LSAMP: variants seen among roughly 807,000 people sequenced by gnomAD.
The protein encoded by LSAMP is limbic system associated membrane protein.
LSAMP carries 7 observed loss-of-function variants against 38.6 expected under a neutral mutation model. That is an observed-to-expected ratio of 0.18 (90% CI 0.10 to 0.34). LSAMP has a LOEUF of 0.34. LSAMP is among the 10% of genes least tolerant of loss of function. The pLI, the probability that LSAMP is intolerant of heterozygous loss-of-function variation, is 1.00. For synonymous variants in LSAMP, 154 were observed against 166.8 expected, an observed-to-expected ratio of 0.92 and a Z score of 0.59; for missense variants, 313 against 420.0, an observed-to-expected ratio of 0.75 and a Z score of 2.23.
chr3:116,375,568 A>G (rs886078935), intron 1 of LSAMP, among the ~76,000 whole-genome samples: 1 of 151,878 alleles, frequency 6.6e-6, no homozygotes, highest in Non-Finnish European at 1.5e-5. Flanking sequence ...CAAATGTCAT[A>G]GTATACATAA....
chr3:116,306,447 C>A (rs1405724539), intron 1 of LSAMP, among the ~76,000 whole-genome samples: 1 of 151,974 alleles, frequency 6.6e-6, no homozygotes, highest in African/African-American at 2.4e-5. Flanking sequence ...CCTAGTGTTT[C>A]TGAAATTTTG....
At chr3:115,852,165 G>A (rs576165096) in intron 4 of LSAMP, among the ~76,000 whole-genome samples, 1 of 152,296 alleles carries the variant, frequency 6.6e-6, no homozygotes, top group African/African-American at 2.4e-5. Context: ...TTCTAAAGTA[G>A]TATGACCTTG....
At chr3:116,393,899 ATGTT>A (rs1391420634) in intron 1 of LSAMP, among the ~76,000 whole-genome samples, 1 of 152,168 alleles carries the variant, frequency 6.6e-6, no homozygotes, top group East Asian at 1.9e-4. Context: ...TATTTACACT[ATGTT>A]TGCATGGAAC....
intron 3 of LSAMP, among the ~76,000 whole-genome samples, chr3:115,929,420 T>C (rs1328494740): frequency 6.6e-6 from 1 of 152,036 alleles, no homozygotes; most frequent in Non-Finnish European, 1.5e-5. Flanking sequence ...AAATAGGTGA[T>C]ATTTCAACAA....
intron 3 of LSAMP, among the ~76,000 whole-genome samples, chr3:115,854,280 T>G (rs1351021806): frequency 3.1e-5 from 3 of 96,510 alleles, no homozygotes; most frequent in Non-Finnish European, 4.4e-5. Context: ...ATTATTATTA[T>G]TATTTTTTTT....
At chr3:116,242,621 G>A (rs2046552272) in intron 1 of LSAMP, among the ~76,000 whole-genome samples, 1 of 151,980 alleles carries the variant, frequency 6.6e-6, no homozygotes, top group Non-Finnish European at 1.5e-5. Flanking sequence ...TTTCTAACAT[G>A]TTTTTCCAAG....
At chr3:116,088,564 T>C (rs1708045994) in intron 1 of LSAMP, among the ~76,000 whole-genome samples, 1 of 152,194 alleles carries the variant, frequency 6.6e-6, no homozygotes, top group African/African-American at 2.4e-5. Flanking sequence ...TATGAAATTG[T>C]TGAATGTAGA....
chr3:115,891,520 C>G (rs1031395081), intron 3 of LSAMP, among the ~76,000 whole-genome samples: 1 of 151,954 alleles, frequency 6.6e-6, no homozygotes, highest in African/African-American at 2.4e-5. Flanking sequence ...GTCACCTGGC[C>G]CACCATCAGT....
Position 115,810,028 on chromosome 3 carries a change from G to A in LSAMP, c.*289C>T, listed in dbSNP as rs9876745. The A allele has an allele frequency of 0.24, 72,603 of 300,000 alleles. 9,506 individuals carry two copies. Among genetic ancestry groups the A allele is most frequent in the African/African-American group, 0.36 (16,210 of 44,822 alleles). 18.6% of individuals were successfully genotyped at this position (300,000 alleles called of 1,614,324 possible). ...AGCATCCAGATGTCCTTAGTGTGGT[G>A]TAGTCTTTACACAGCATACATTTGC... is the stretch of plus-strand genomic sequence containing the variant. On this transcript the variant is annotated 3_prime_UTR_variant, in exon 7 of 7. Coordinates refer to ENST00000490035, the MANE Select transcript of LSAMP (RefSeq NM_002338.5).
chr3:116,250,103 C>T (rs527775801), intron 1 of LSAMP, among the ~76,000 whole-genome samples: 49 of 152,150 alleles, frequency 3.2e-4, no homozygotes, highest in South Asian at 6.2e-4. Flanking sequence ...CTTTTGTTGT[C>T]CCAGAATTTA....
At chr3:116,208,378 T>C (rs1250386983) in intron 1 of LSAMP, among the ~76,000 whole-genome samples, 1 of 152,068 alleles carries the variant, frequency 6.6e-6, no homozygotes. Flanking sequence ...AATTTGATTG[T>C]CTGAAGCCTT....
chr3:116,204,001 G>A (rs1237995107), intron 1 of LSAMP, among the ~76,000 whole-genome samples: 1 of 151,880 alleles, frequency 6.6e-6, no homozygotes, highest in Admixed American at 6.6e-5. Flanking sequence ...GGTTGAACTA[G>A]TTTACAGTCC....
intron 3 of LSAMP, among the ~76,000 whole-genome samples, chr3:115,896,150 C>T (rs1023919617): frequency 2.6e-5 from 4 of 151,954 alleles, no homozygotes; most frequent in African/African-American, 9.7e-5. Flanking sequence ...GTTATTCTTT[C>T]TCCTTTCTAA....
At chr3:116,099,079 A>AC (rs1240041694) in intron 1 of LSAMP, among the ~76,000 whole-genome samples, 1 of 152,092 alleles carries the variant, frequency 6.6e-6, no homozygotes, top group African/African-American at 2.4e-5. Flanking sequence ...AAAGGCCATC[A>AC]CCCCCTTGTA....
chr3:116,427,221 C>T (rs908285103), intron 1 of LSAMP, among the ~76,000 whole-genome samples: 1 of 150,718 alleles, frequency 6.6e-6, no homozygotes, highest in Admixed American at 6.6e-5. Flanking sequence ...CCCGGGTTCA[C>T]GCCATTCTCC....
In LSAMP at chr3:115,842,441, G is replaced by A. The variant is rs1416729120; in HGVS notation, c.770+17C>T. On this transcript the variant is annotated intron_variant, in intron 5 of 6. Transcript: ENST00000490035. ...CCATGCAGTGGAGTCATGGGGGATG[G>A]TAGGTTTGGCACATACCTAGTGTCA... 1 of 1,612,532 alleles carries A rather than the reference G, an allele frequency of 6.2e-7. No individual in the cohort carries two copies. Among genetic ancestry groups the A allele is most frequent in the South Asian group, 1.1e-5 (1 of 90,860 alleles).
chr3:115,853,019 G>A (rs1017327336), intron 3 of LSAMP, among the ~76,000 whole-genome samples: 6 of 152,240 alleles, frequency 3.9e-5, no homozygotes, highest in East Asian at 1.9e-4. Flanking sequence ...CTCACTCGTC[G>A]CTGGTTAAGG....
At chr3:115,824,731 C>G (rs1381647251) in intron 6 of LSAMP, among the ~76,000 whole-genome samples, 6 of 149,030 alleles carry the variant, frequency 4.0e-5, no homozygotes, top group Admixed American at 2.7e-4. Context: ...AAAAAAAGAA[C>G]TAGCTTCCGG....
chr3:116,305,398 G>A (rs2047468259), intron 1 of LSAMP, among the ~76,000 whole-genome samples: 1 of 151,988 alleles, frequency 6.6e-6, no homozygotes, highest in African/African-American at 2.4e-5. Context: ...AAGAGGCCCA[G>A]GAAAACCCAG....
Sources: allele counts gnomAD v4.1 joint callset (sites outside exome capture counted in the v4.1 genomes callset), GRCh38; gene constraint gnomAD v4.1.1; transcripts MANE v1.5; gene names NCBI Gene and HGNC (gene_info 2026-07-23, HGNC 2026-07-21).